Variants in KCNA6 observed in about 807,000 individuals in gnomAD.
KCNA6 encodes human brain potassium channel-2.
Under a neutral mutation model 29.5 loss-of-function variants are expected in KCNA6, and 17 were observed. That is an observed-to-expected ratio of 0.58 (90% CI 0.39 to 0.86). The LOEUF (loss-of-function observed/expected upper bound fraction) is 0.86, where lower values mean the gene tolerates loss of function less well. Among genes scored for constraint, KCNA6 ranks in the 40% least tolerant of loss-of-function variants. KCNA6 has a pLI of 0.00. For missense variants in KCNA6, 450 were observed against 703.4 expected (o/e 0.64, Z 4.07); for synonymous variants, 296 against 304.7 (o/e 0.97, Z 0.30).
At chr12:4,835,409 C>T in the KCNA6 span, among the ~76,000 whole-genome samples, 9 of 152,150 alleles carry the variant, frequency 5.9e-5, no homozygotes, top group Non-Finnish European at 8.8e-5. Flanking sequence ...GCTGGGATTA[C>T]GGGCTTGAGC....
the KCNA6 span, among the ~76,000 whole-genome samples, chr12:4,837,897 A>G: frequency 6.6e-6 from 1 of 151,860 alleles, no homozygotes; most frequent in Admixed American, 6.6e-5. Flanking sequence ...GCATGGATAG[A>G]CTGCCTGAGT....
chr12:4,846,462 G>A, the KCNA6 span, among the ~76,000 whole-genome samples: 1 of 152,028 alleles, frequency 6.6e-6, no homozygotes, highest in Non-Finnish European at 1.5e-5. Context: ...GGTGTCAATA[G>A]TATTCCTCCT....
At chr12:4,850,233 T>C in the KCNA6 span, among the ~76,000 whole-genome samples, 1 of 151,646 alleles carries the variant, frequency 6.6e-6, no homozygotes, top group East Asian at 1.9e-4. This position sits in a 1 kb window ranked among gnomAD's most constrained non-coding sequence, Gnocchi z 5.4. Context: ...AGGAGCCAGG[T>C]GGTGGCAGGA....
At chr12:4,821,603 C>T in the KCNA6 span, among the ~76,000 whole-genome samples, 1 of 152,186 alleles carries the variant, frequency 6.6e-6, no homozygotes, top group Non-Finnish European at 1.5e-5. Flanking sequence ...TCACTTGTGG[C>T]TTGTGAGCCA....
the KCNA6 span, among the ~76,000 whole-genome samples, chr12:4,846,765 C>CTTT: frequency 3.0e-5 from 3 of 100,594 alleles, no homozygotes; most frequent in African/African-American, 8.2e-5. Flanking sequence ...TGGAACACCT[C>CTTT]TTTTTTTTTT....
At position 4,811,179 on chromosome 12, in the gene KCNA6, A is replaced by T; in HGVS notation, c.1138A>T (p.Ile380Phe). The change falls in exon 1 of 1, where the codon ATC (isoleucine) becomes TTC (phenylalanine). Residue 380 changes from isoleucine to phenylalanine, a missense_variant. By Grantham distance (21) the Ile-to-Phe change is conservative. This residue lies in a region of KCNA6 where 57 missense variants were observed against 140.3 expected (regional missense o/e 0.41). Transcript: ENST00000280684. The surrounding 1 kb of genome is among the most constrained non-coding windows in gnomAD (Gnocchi z 7.1). ...CTCCATGAGGGAGCTGGGGCTGCTC[A>T]TCTTCTTCCTCTTCATCGGGGTCAT... 6.2e-7 allele frequency: 1 copy of T among 1,614,198 alleles called. No homozygotes were observed. Among genetic ancestry groups the T allele is most frequent in the Non-Finnish European group, 8.5e-7 (1 of 1,180,026 alleles).
At chr12:4,835,449 T>A in the KCNA6 span, among the ~76,000 whole-genome samples, 347 of 152,308 alleles carry the variant, frequency 2.3e-3, 2 homozygotes, top group African/African-American at 5.4e-3. Context: ...TGATTTTTTT[T>A]AAATTATTTT....
At chr12:4,845,984 GTTTT>G in the KCNA6 span, among the ~76,000 whole-genome samples, 16 of 129,464 alleles carry the variant, frequency 1.2e-4, no homozygotes, top group Non-Finnish European at 1.6e-4. Flanking sequence ...GAATTTTAGA[GTTTT>G]TTTTTTTTTT....
chr12:4,835,496 C>T, the KCNA6 span, among the ~76,000 whole-genome samples: 1 of 151,944 alleles, frequency 6.6e-6, no homozygotes, highest in Non-Finnish European at 1.5e-5. Flanking sequence ...CTCCCTGTTC[C>T]CACTTCCTAC....
At chr12:4,809,459 C>T (rs925684345) in exon 1 of KCNA6, 2 of 151,856 alleles carry the variant, frequency 1.3e-5, no homozygotes, top group Admixed American at 6.6e-5. Context: ...CGGCGCGGCT[C>T]CTAGGGAGGA....
chr12:4,844,506 TGC>T, the KCNA6 span, among the ~76,000 whole-genome samples: 1 of 152,246 alleles, frequency 6.6e-6, no homozygotes, highest in East Asian at 1.9e-4. This position sits in a 1 kb window ranked among gnomAD's most constrained non-coding sequence, Gnocchi z 4.0. Flanking sequence ...GGGAAGGACA[TGC>T]TAAGCAACGG....
At chr12:4,840,934 G>C in the KCNA6 span, among the ~76,000 whole-genome samples, 97 of 152,316 alleles carry the variant, frequency 6.4e-4, no homozygotes, top group African/African-American at 2.2e-3. Context: ...GCTTGTGTCT[G>C]AGGGGAGCTT....
Position 4,810,666 on chromosome 12 carries a change from G to C in KCNA6, c.625G>C (p.Gly209Arg). Reference sequence around the variant, plus strand: ...TGTAGATGGTCGAGGTGGAAACAATGGTGGTGTGAGTCGAGTCTCCCCAGT... The same window carrying C: ...TGTAGATGGTCGAGGTGGAAACAATCGTGGTGTGAGTCGAGTCTCCCCAGT... Residue 209 changes from glycine to arginine, a missense_variant, in exon 1 of 1, where the codon GGT becomes CGT. Gly to Arg is a moderately radical substitution (Grantham distance 125). This residue lies in a region of KCNA6 where 74 missense variants were observed against 71.5 expected (regional missense o/e 1.03). Coordinates refer to ENST00000280684, the Ensembl canonical transcript of KCNA6. This position sits in a 1 kb window ranked among gnomAD's most constrained non-coding sequence, Gnocchi z 7.5. 3.1e-6 allele frequency: 5 copies of C among 1,606,420 alleles called. No individual in the cohort carries two copies. The highest frequency in any genetic ancestry group is 4.2e-6 in the Non-Finnish European group (5 of 1,176,892).
At chr12:4,828,076 G>A in the KCNA6 span, among the ~76,000 whole-genome samples, 2 of 152,054 alleles carry the variant, frequency 1.3e-5, no homozygotes, top group African/African-American at 4.8e-5. Flanking sequence ...TTGGAACTCG[G>A]TTGTATTTCT....
downstream of KCNA6, among the ~76,000 whole-genome samples, chr12:4,816,254 GTGTGTGTGT>G (rs1946681014): frequency 9.1e-5 from 1 of 10,932 alleles, no homozygotes; most frequent in East Asian, 0.038. Context: ...GAACTGGTGT[GTGTGTGTGT>G]GTGTGTGTGT....
the KCNA6 span, among the ~76,000 whole-genome samples, chr12:4,845,614 A>G: frequency 6.6e-6 from 1 of 152,208 alleles, no homozygotes; most frequent in Non-Finnish European, 1.5e-5. Flanking sequence ...ACATACTTGT[A>G]CTAAAAGATT....
chr12:4,818,256 T>A (rs1176440893), downstream of KCNA6, among the ~76,000 whole-genome samples: 1 of 152,178 alleles, frequency 6.6e-6, no homozygotes, highest in African/African-American at 2.4e-5. Context: ...ATAAGAATGG[T>A]GCTATTCATT....
the KCNA6 span, among the ~76,000 whole-genome samples, chr12:4,842,130 C>T: frequency 2.7e-5 from 4 of 150,800 alleles, no homozygotes; most frequent in East Asian, 7.8e-4. Context: ...ATTGCCACTG[C>T]GCATATGTTA....
chr12:4,835,934 G>GTT, the KCNA6 span, among the ~76,000 whole-genome samples: 123 of 137,158 alleles, frequency 9.0e-4, no homozygotes, highest in East Asian at 1.6e-3. Context: ...AAAAGTCGCT[G>GTT]TTTTTTTTTT....
Sources: allele counts gnomAD v4.1 joint callset (sites outside exome capture counted in the v4.1 genomes callset), GRCh38; gene constraint gnomAD v4.1.1; regional missense constraint gnomAD v4.1.1; non-coding constraint Gnocchi (gnomAD v3.1); transcripts MANE v1.5; gene names NCBI Gene and HGNC (gene_info 2026-07-23, HGNC 2026-07-21).